The following SEMA6D variants were observed in gnomAD, a reference collection of about 807,000 sequenced individuals.
SEMA6D encodes the protein semaphorin 6D, also known as semaphorin-6D.
A neutral mutation model predicts 106.6 loss-of-function variants in SEMA6D; 35 were observed. The ratio of observed to expected loss-of-function variants is 0.33; its 90% CI spans 0.25 to 0.44. SEMA6D has a LOEUF of 0.44. Among genes scored for constraint, SEMA6D ranks in the 20% least tolerant of loss-of-function variants. The probability of loss-of-function intolerance (pLI) is 1.00; values close to 1 mark genes in which losing one functional copy is unlikely to be tolerated. For missense variants in SEMA6D, 1,185 were observed against 1,345.9 expected (o/e 0.88, Z 1.87); for synonymous variants, 499 against 487.7 (o/e 1.02, Z -0.31).
chr15:47,654,336 T>G (rs567273625), intron 4 of SEMA6D, among the ~76,000 whole-genome samples: 33 of 152,366 alleles, frequency 2.2e-4, no homozygotes, highest in Admixed American at 2.0e-3. Flanking sequence ...TATCCTATTG[T>G]GACCAGAAGC....
chr15:47,652,685 A>G (rs1369636), intron 4 of SEMA6D, among the ~76,000 whole-genome samples: 16,315 of 152,190 alleles, frequency 0.11, 1,034 homozygotes, highest in East Asian at 0.23. Flanking sequence ...CAGATTTTAC[A>G]TGTGGCTTGT....
At chr15:47,412,648 T>C (rs1256525845) in intron 2 of SEMA6D, among the ~76,000 whole-genome samples, 1 of 152,154 alleles carries the variant, frequency 6.6e-6, no homozygotes, top group African/African-American at 2.4e-5. Flanking sequence ...CTGAACATAG[T>C]GTTTGTTGGT....
intron 2 of SEMA6D, among the ~76,000 whole-genome samples, chr15:47,432,062 T>TGAGG (rs1595980980): frequency 6.6e-6 from 1 of 152,008 alleles, no homozygotes; most frequent in Non-Finnish European, 1.5e-5. Context: ...AAGCAATGTG[T>TGAGG]GAGGCACTGA....
intron 2 of SEMA6D, among the ~76,000 whole-genome samples, chr15:47,428,879 G>A (rs2041432024): frequency 6.6e-6 from 1 of 151,646 alleles, no homozygotes; most frequent in Non-Finnish European, 1.5e-5. Context: ...AATGTGTTAT[G>A]TAATTGGATA....
rs575478177 is a variant in SEMA6D, at chr15:47,661,813, A to G, written c.-55+60917A>G. On this transcript the variant is annotated intron_variant, in intron 4 of 19. Transcript: ENST00000558014. ...AGAACCCATGTCTCTAAAAGGAAGC[A>G]AATGTTTTAAAAAGCAATGCTAACA... Among the ~76,000 whole-genome samples, 100 of 152,346 alleles carry G rather than the reference A, an allele frequency of 6.6e-4. 1 individual carries two copies. The highest frequency in any genetic ancestry group is 1.2e-3 in the Non-Finnish European group (81 of 68,034).
intron 1 of SEMA6D, among the ~76,000 whole-genome samples, chr15:47,373,328 G>C (rs770154076): frequency 1.9e-4 from 29 of 152,168 alleles, no homozygotes; most frequent in Admixed American, 1.2e-3. Context: ...CTCAATGCTT[G>C]TATTTTTAAA....
chr15:47,503,913 C>A (rs1037079588), intron 3 of SEMA6D, among the ~76,000 whole-genome samples: 1 of 152,150 alleles, frequency 6.6e-6, no homozygotes, highest in African/African-American at 2.4e-5. Context: ...TGCCACTTAA[C>A]CTTTGTCACA....
At position 47,596,270 on chromosome 15, in the gene SEMA6D, T is replaced by C. The variant is rs60931114; in HGVS notation, c.-86-4595T>C. The stretch of plus-strand genomic sequence containing the variant: ...CTACAATGAAAACGTAGAACATCGA[T>C]AAAAGAAACTGAAGACACAAATACA... On this transcript the variant is annotated intron_variant, in intron 3 of 19. Transcript: ENST00000558014. Among the ~76,000 whole-genome samples the C allele has an allele frequency of 3.4e-3, 510 of 152,176 alleles. 2 individuals carry two copies. Among genetic ancestry groups the C allele is most frequent in the African/African-American group, 0.012 (494 of 41,562 alleles).
At chr15:47,283,584 A>C (rs16959138) in intron 1 of SEMA6D, among the ~76,000 whole-genome samples, 2,597 of 152,208 alleles carry the variant, frequency 0.017, 48 homozygotes, top group African/African-American at 0.02. Flanking sequence ...AACACTTGAG[A>C]CTTTTCGACT....
chr15:47,268,192 G>A (rs1019458419), intron 1 of SEMA6D, among the ~76,000 whole-genome samples: 2 of 152,140 alleles, frequency 1.3e-5, no homozygotes, highest in Non-Finnish European at 2.9e-5. Flanking sequence ...AGTTTAAAGA[G>A]TACTAATGCC....
intron 3 of SEMA6D, among the ~76,000 whole-genome samples, chr15:47,529,166 T>C (rs2044863089): frequency 6.6e-6 from 1 of 152,096 alleles, no homozygotes; most frequent in African/African-American, 2.4e-5. Flanking sequence ...ATAAAATATG[T>C]TTACTATTCA....
At chr15:47,711,340 C>T (rs890452663) in intron 4 of SEMA6D, among the ~76,000 whole-genome samples, 1 of 145,584 alleles carries the variant, frequency 6.9e-6, no homozygotes, top group African/African-American at 2.5e-5. Context: ...AATGTATAGG[C>T]GTGAATTATT....
At chr15:47,223,432 T>A (rs1442302745) in intron 1 of SEMA6D, among the ~76,000 whole-genome samples, 1 of 152,116 alleles carries the variant, frequency 6.6e-6, no homozygotes, top group Non-Finnish European at 1.5e-5. Context: ...TTCCTGAAGT[T>A]TGAGTTCTCT....
At chr15:47,220,666 T>C (rs1472259499) in intron 1 of SEMA6D, among the ~76,000 whole-genome samples, 1 of 152,236 alleles carries the variant, frequency 6.6e-6, no homozygotes, top group East Asian at 1.9e-4. Flanking sequence ...TACGTGTTTA[T>C]TCTCAACTCT....
intron 1 of SEMA6D, among the ~76,000 whole-genome samples, chr15:47,732,624 A>G (rs147191882): frequency 5.9e-5 from 9 of 152,202 alleles, no homozygotes; most frequent in African/African-American, 2.2e-4. Flanking sequence ...ATACATTGTT[A>G]TTTATACCAT....
intron 1 of SEMA6D, among the ~76,000 whole-genome samples, chr15:47,356,105 T>C (rs532500579): frequency 6.6e-6 from 1 of 152,388 alleles, no homozygotes; most frequent in East Asian, 1.9e-4. Flanking sequence ...TCTTTTGTTT[T>C]TTCTGTCTTA....
At chr15:47,620,972 A>C (rs960685394) in intron 4 of SEMA6D, among the ~76,000 whole-genome samples, 2 of 152,028 alleles carry the variant, frequency 1.3e-5, no homozygotes. Flanking sequence ...GGAGATCCCT[A>C]ATGAAGAAGA....
chr15:47,527,017 G>A (rs904030685), intron 3 of SEMA6D, among the ~76,000 whole-genome samples: 12 of 152,260 alleles, frequency 7.9e-5, no homozygotes, highest in African/African-American at 2.9e-4. Flanking sequence ...GGTTACAGGC[G>A]TGAGCCACTG....
intron 1 of SEMA6D, among the ~76,000 whole-genome samples, chr15:47,403,951 C>T (rs1482409485): frequency 6.6e-6 from 1 of 151,998 alleles, no homozygotes; most frequent in Non-Finnish European, 1.5e-5. Context: ...ATAAAAGATT[C>T]GGGATGAGAA....
Sources: gnomAD v4.1 joint callset for allele counts (sites outside exome capture counted in the v4.1 genomes callset) on GRCh38, gnomAD v4.1.1 for gene constraint, MANE v1.5 for transcripts, NCBI Gene and HGNC (gene_info 2026-07-23, HGNC 2026-07-21) for gene names.